Variants in SMARCAD1 observed in about 807,000 individuals in gnomAD.
SMARCAD1 encodes SNF2 related chromatin remodeling ATPase with DExD box 1, also known as SWI/SNF-related matrix-associated actin-dependent regulator of chromatin subfamily A containing DEAD/H box 1.
Under a neutral mutation model 127.1 loss-of-function variants are expected in SMARCAD1, and 25 were observed. The ratio of observed to expected loss-of-function variants is 0.20; its 90% CI spans 0.14 to 0.27. The LOEUF (loss-of-function observed/expected upper bound fraction) is 0.27. Ranked by LOEUF, SMARCAD1 falls within the 10% of genes least tolerant of loss-of-function variation. SMARCAD1 has a pLI of 1.00. For missense variants in SMARCAD1, 807 were observed against 1,206.0 expected (o/e 0.67, Z 4.90); for synonymous variants, 400 against 396.9 (o/e 1.01, Z -0.09).
At chr4:94,218,291 A>ATT (rs111702430) in intron 2 of SMARCAD1, among the ~76,000 whole-genome samples, 2 of 147,664 alleles carry the variant, frequency 1.4e-5, no homozygotes, top group African/African-American at 5.0e-5. Context: ...GTTTTATTTT[A>ATT]TTTTTTTTTT....
intron 3 of SMARCAD1, among the ~76,000 whole-genome samples, chr4:94,229,087 T>C (rs1745439645): frequency 6.6e-6 from 1 of 152,138 alleles, no homozygotes. Flanking sequence ...TGTTGAACTT[T>C]GATGACTCAA....
chr4:94,261,639 G>T (rs1463011928), intron 9 of SMARCAD1, among the ~76,000 whole-genome samples: 5 of 152,126 alleles, frequency 3.3e-5, no homozygotes, highest in African/African-American at 1.2e-4. Context: ...TTGAGACGGG[G>T]TCTCACTCTA....
chr4:94,235,050 G>A (rs1169010270), intron 4 of SMARCAD1, among the ~76,000 whole-genome samples: 2 of 151,994 alleles, frequency 1.3e-5, no homozygotes, highest in African/African-American at 4.8e-5. Context: ...TTTATTGAGG[G>A]TTGGTCACCA....
chr4:94,280,609 G>T lies in SMARCAD1; in HGVS notation c.2436G>T (p.Glu812Asp). Residue 812 changes from glutamate (E) to aspartate (D), a missense_variant, in exon 20 of 24, where the codon GAG becomes GAT. This residue lies in a region of SMARCAD1 where 99 missense variants were observed against 126.0 expected (regional missense o/e 0.79). Transcript: ENST00000354268. The part of the protein sequence containing the change: ...QLMLKEPTHC[E>D]ANPDLIFEDM... Reference sequence around the variant, plus strand: ...GTTTTAAGGAACCTACACATTGTGAGGCTAACCCTGACCTGATCTTTGAAG... The same window carrying T: ...GTTTTAAGGAACCTACACATTGTGATGCTAACCCTGACCTGATCTTTGAAG... 6.2e-7 allele frequency: 1 copy of T among 1,613,542 alleles called. No homozygotes were observed. The highest frequency in any genetic ancestry group is 8.5e-7 in the Non-Finnish European group (1 of 1,179,848).
intron 10 of SMARCAD1, among the ~76,000 whole-genome samples, chr4:94,267,590 TG>T (rs1290068530): frequency 1.3e-5 from 2 of 151,684 alleles, no homozygotes; most frequent in Non-Finnish European, 2.9e-5. Context: ...TTTCAGACTG[TG>T]GAGAAATCAT....
chr4:94,270,966 A>G, intron 11 of SMARCAD1, 148 bp downstream of exon 11: 1 of 680,206 alleles, frequency 1.5e-6, no homozygotes, highest in Non-Finnish European at 2.6e-6. Flanking sequence ...TTTGTTTTTG[A>G]TAGAGTTAGT....
chr4:94,283,045 GATA>G (rs1259852485), intron 21 of SMARCAD1, 73 bp from the exon 22 acceptor site: 1 of 1,257,852 alleles, frequency 8.0e-7, no homozygotes, highest in Non-Finnish European at 1.1e-6. Context: ...TTTTTCATGT[GATA>G]ATGATTGTTT....
At chr4:94,234,960 A>G (rs978527075) in intron 4 of SMARCAD1, among the ~76,000 whole-genome samples, 6 of 152,112 alleles carry the variant, frequency 3.9e-5, no homozygotes, top group Non-Finnish European at 7.4e-5. Flanking sequence ...CTTCAGCAGG[A>G]CATGGCCATG....
chr4:94,284,827 C>A, intron 22 of SMARCAD1, 133 bp from the exon 23 acceptor site: 1 of 636,576 alleles, frequency 1.6e-6, no homozygotes, highest in Non-Finnish European at 2.7e-6. Flanking sequence ...TCTCAAGTGG[C>A]TTAAATAAAA....
Position 94,252,916 on chromosome 4 carries a change from C to T in SMARCAD1, c.1190C>T (p.Ser397Leu). 6.2e-7 allele frequency: 1 copy of T among 1,614,080 alleles called. No homozygotes were observed. ...GKILHFLQDA[S>L]IGELTLIPQC... ...ATTCTTCACTTCCTTCAAGATGCTT[C>T]AATTGGTGAACTTACTTTGATTCCT... The change falls in exon 9 of 24, where the codon TCA becomes TTA. Residue 397 changes from serine (S) to leucine (L), a missense_variant. By Grantham distance (145) the Ser-to-Leu change is moderately radical. This residue lies in a region of SMARCAD1 where 257 missense variants were observed against 303.4 expected (regional missense o/e 0.85). Coordinates refer to ENST00000354268, the MANE Select transcript of SMARCAD1 (RefSeq NM_020159.5).
rs577583797 is a variant in SMARCAD1, at chr4:94,290,961, C to G, written c.*1427C>G. 2.2e-4 allele frequency: 100 copies of G among 451,198 alleles called. 1 individual carries two copies. The highest frequency in any genetic ancestry group is 1.6e-3 in the South Asian group (98 of 63,118). 27.9% of individuals were successfully genotyped at this position (451,198 alleles called of 1,614,324 possible). ...GATATTAAAGACTGAGAACTCACGG[C>G]TTAACCCCAGTCTTGATGGTATATT... On this transcript the variant is annotated 3_prime_UTR_variant, in exon 24 of 24. Transcript: ENST00000354268.
chr4:94,208,412 G>T lies in SMARCAD1; in HGVS notation c.18G>T (p.Leu6=), dbSNP rs191843509. 9.8e-5 allele frequency: 158 copies of T among 1,613,978 alleles called. 2 individuals carry two copies. The Admixed American group carries it at 2.6e-3, about 27-fold the overall frequency. MNLFN[L]DRFRFEKRNK... ...CTACCAATATGAATCTTTTCAACCT[G>T]GACCGTTTTCGCTTTGAGAAAAGGA... is the stretch of plus-strand genomic sequence containing the variant. The change falls in exon 2 of 24, where the codon CTG becomes CTT. Residue 6 remains leucine (L), a synonymous_variant. Transcript: ENST00000354268.
intron 22 of SMARCAD1, among the ~76,000 whole-genome samples, chr4:94,283,600 C>T (rs905856203): frequency 1.7e-4 from 26 of 151,956 alleles, no homozygotes; most frequent in African/African-American, 5.3e-4. Flanking sequence ...CTGAGGCGGG[C>T]GGATCATGAG....
chr4:94,219,198 T>C (rs1743691532), intron 2 of SMARCAD1, among the ~76,000 whole-genome samples: 1 of 152,236 alleles, frequency 6.6e-6, no homozygotes. Context: ...AGTTGCCATC[T>C]AAAGGATTGA....
chr4:94,258,537 T>G (rs909972112), intron 9 of SMARCAD1, among the ~76,000 whole-genome samples: 1 of 152,224 alleles, frequency 6.6e-6, no homozygotes, highest in Non-Finnish European at 1.5e-5. Flanking sequence ...CCTTAGCATT[T>G]CATTTTCCTG....
chr4:94,284,876 C>A, intron 22 of SMARCAD1, 84 bp from the exon 23 acceptor site: 1 of 858,382 alleles, frequency 1.2e-6, no homozygotes, highest in Admixed American at 2.2e-5. Context: ...TCAAAGTATT[C>A]TTTTTGAACT....
chr4:94,259,304 C>T (rs536387717), intron 9 of SMARCAD1, among the ~76,000 whole-genome samples: 9 of 152,186 alleles, frequency 5.9e-5, no homozygotes, highest in Non-Finnish European at 1.3e-4. Context: ...AGATTAATAA[C>T]TTTATTTAAA....
At chr4:94,214,840 G>A (rs1742908291) in intron 2 of SMARCAD1, among the ~76,000 whole-genome samples, 1 of 151,926 alleles carries the variant, frequency 6.6e-6, no homozygotes, top group South Asian at 2.1e-4. Context: ...TAGTCCTCTA[G>A]AGTGGTTGCC....
chr4:94,245,518 C>G (rs1560535067), intron 6 of SMARCAD1, among the ~76,000 whole-genome samples: 1 of 152,104 alleles, frequency 6.6e-6, no homozygotes, highest in Non-Finnish European at 1.5e-5. Flanking sequence ...TTTATTTATT[C>G]TTTATATTTT....
Sources: allele counts gnomAD v4.1 joint callset (sites outside exome capture counted in the v4.1 genomes callset), GRCh38; gene constraint gnomAD v4.1.1; regional missense constraint gnomAD v4.1.1; transcripts MANE v1.5; gene names NCBI Gene and HGNC (gene_info 2026-07-23, HGNC 2026-07-21).